Variants in B4GALT6 observed in about 807,000 individuals in gnomAD.
B4GALT6 encodes the protein beta-1,4-galactosyltransferase 6, also known as UDP-Gal:beta-GlcNAc beta-1,4-galactosyltransferase 6.
Under a neutral mutation model 46.3 loss-of-function variants are expected in B4GALT6, and 14 were observed. That is an observed-to-expected ratio of 0.30 (90% CI 0.20 to 0.47). The LOEUF is 0.47. B4GALT6 is among the 20% of genes least tolerant of loss of function. The pLI, the probability that B4GALT6 is intolerant of heterozygous loss-of-function variation, is 0.99. For synonymous variants in B4GALT6, 168 were observed against 162.0 expected (o/e 1.04, Z -0.28); for missense variants, 386 against 480.1 (o/e 0.80, Z 1.83).
chr18:31,708,072 C>G, the B4GALT6 span, among the ~76,000 whole-genome samples: 2 of 152,232 alleles, frequency 1.3e-5, no homozygotes, highest in Admixed American at 1.3e-4. Flanking sequence ...TAGCAGACTT[C>G]AGTATGCATT....
At chr18:31,657,089 A>G (rs981399871) in intron 3 of B4GALT6, among the ~76,000 whole-genome samples, 4 of 152,190 alleles carry the variant, frequency 2.6e-5, no homozygotes, top group African/African-American at 9.7e-5. Flanking sequence ...AGAGCAATTG[A>G]CAAAATCTGG....
chr18:31,700,732 A>G, the B4GALT6 span, among the ~76,000 whole-genome samples: 1 of 152,116 alleles, frequency 6.6e-6, no homozygotes, highest in Non-Finnish European at 1.5e-5. Context: ...CTGGGATTGC[A>G]GGTGTGAGCC....
At chr18:31,700,468 T>TGTGTGAGA in the B4GALT6 span, among the ~76,000 whole-genome samples, 994 of 148,364 alleles carry the variant, frequency 6.7e-3, 4 homozygotes, top group Middle Eastern at 0.01. Flanking sequence ...TGTGTGTGTG[T>TGTGTGAGA]GAGAGAGAGA....
chr18:31,632,519 C>G (rs2073804003), intron 5 of B4GALT6, among the ~76,000 whole-genome samples: 1 of 152,132 alleles, frequency 6.6e-6, no homozygotes, highest in South Asian at 2.1e-4. Context: ...CGGTATTTAT[C>G]TACATATTTT....
the B4GALT6 span, among the ~76,000 whole-genome samples, chr18:31,695,587 T>C: frequency 6.6e-6 from 1 of 152,204 alleles, no homozygotes; most frequent in East Asian, 1.9e-4. Context: ...ACAACATTTC[T>C]GTAAGAAGCA....
At chr18:31,699,713 C>T in the B4GALT6 span, among the ~76,000 whole-genome samples, 14 of 147,990 alleles carry the variant, frequency 9.5e-5, no homozygotes, top group South Asian at 2.1e-4. Context: ...ACAGTGGTGA[C>T]GAGAATAATG....
the B4GALT6 span, among the ~76,000 whole-genome samples, chr18:31,709,365 C>G: frequency 6.7e-6 from 1 of 150,190 alleles, no homozygotes; most frequent in Admixed American, 6.6e-5. Flanking sequence ...ATACCTGACA[C>G]CTGACTAAAG....
Position 31,684,373 on chromosome 18 carries a change from G to C in B4GALT6, c.54C>G (p.Phe18Leu). ...ACGAAGAGAGGGAGAAGAAGAAGAT[G>C]AAGGCGAGGAGAGAGCGATTGGAAA... is the stretch of plus-strand genomic sequence containing the variant. ...MRVSNRSLLA[F>L]IFFFSLSSSC... Residue 18 changes from phenylalanine (F) to leucine (L), a missense_variant, in exon 1 of 9, where the codon TTC becomes TTG. Coordinates refer to ENST00000306851, the MANE Select transcript of B4GALT6 (RefSeq NM_004775.5). 2 of 1,613,952 alleles carry C rather than the reference G, an allele frequency of 1.2e-6. No homozygotes were observed. The highest frequency in any genetic ancestry group is 1.3e-5 in the African/African-American group (1 of 75,012).
chr18:31,712,384 C>A, the B4GALT6 span, among the ~76,000 whole-genome samples: 1 of 141,246 alleles, frequency 7.1e-6, no homozygotes, highest in Non-Finnish European at 1.5e-5. Context: ...CTCATTGCAA[C>A]CTACACTTCC....
chr18:31,669,327 C>T (rs1468538121), intron 1 of B4GALT6, among the ~76,000 whole-genome samples: 1 of 152,092 alleles, frequency 6.6e-6, no homozygotes, highest in African/African-American at 2.4e-5. Context: ...TGTGCAGGGG[C>T]CATGTTAATC....
intron 1 of B4GALT6, among the ~76,000 whole-genome samples, chr18:31,677,133 T>TA (rs2074423404): frequency 6.6e-6 from 1 of 151,798 alleles, no homozygotes; most frequent in Admixed American, 6.6e-5. Flanking sequence ...TAATTAAACA[T>TA]AAAAACAAAG....
upstream of B4GALT6, chr18:31,684,682 G>C: frequency 7.0e-6 from 8 of 1,142,854 alleles, no homozygotes; most frequent in Non-Finnish European, 7.6e-6. Context: ...AGAGGGGACT[G>C]GGGGCTAGGG....
Position 31,626,358 on chromosome 18 carries a change from G to T in B4GALT6, c.926C>A (p.Thr309Asn). 1 of 1,603,290 alleles carries T rather than the reference G, an allele frequency of 6.2e-7. No homozygotes were observed. Among genetic ancestry groups the T allele is most frequent in the South Asian group, 1.1e-5 (1 of 90,034 alleles). The change falls in exon 8 of 9, where the codon ACC becomes AAC. Residue 309 changes from threonine (T) to asparagine (N), a missense_variant. Physicochemically the swap from Thr to Asn is moderately conservative, Grantham distance 65 (BLOSUM62 0). Coordinates refer to ENST00000306851, the MANE Select transcript of B4GALT6 (RefSeq NM_004775.5). ...NRVHYAGYNV[T>N]RPEGDLGKYK... The stretch of plus-strand genomic sequence containing the variant: ...TTTTCCTAAGTCTCCCTCTGGTCTG[G>T]TTACATTATATCCAGCATAGTGAAC...
At chr18:31,715,365 A>G in the B4GALT6 span, among the ~76,000 whole-genome samples, 2 of 151,942 alleles carry the variant, frequency 1.3e-5, no homozygotes, top group Admixed American at 1.3e-4. Flanking sequence ...AGCTGGGACT[A>G]CAGGCATGTA....
intron 5 of B4GALT6, among the ~76,000 whole-genome samples, 154 bp downstream of exon 5, chr18:31,638,487 ACTG>A (rs2073890087): frequency 6.6e-6 from 1 of 152,206 alleles, no homozygotes; most frequent in South Asian, 2.1e-4. Flanking sequence ...AGATCGCGCC[ACTG>A]CATTCCAGCC....
intron 1 of B4GALT6, among the ~76,000 whole-genome samples, chr18:31,674,437 GA>G (rs2074393248): frequency 6.6e-6 from 1 of 152,184 alleles, no homozygotes; most frequent in Non-Finnish European, 1.5e-5. Context: ...AAAGCCAGAA[GA>G]GATCCTTAAA....
At chr18:31,701,507 A>G in the B4GALT6 span, among the ~76,000 whole-genome samples, 1 of 152,134 alleles carries the variant, frequency 6.6e-6, no homozygotes, top group East Asian at 1.9e-4. Flanking sequence ...CATATATAAA[A>G]GTGGCATTTT....
At chr18:31,683,385 T>G (rs1478848231) in intron 1 of B4GALT6, among the ~76,000 whole-genome samples, 2 of 152,202 alleles carry the variant, frequency 1.3e-5, no homozygotes, top group Non-Finnish European at 2.9e-5. Flanking sequence ...TGCTCACTGT[T>G]ACTAAGTAAT....
intron 3 of B4GALT6, among the ~76,000 whole-genome samples, 164 bp downstream of exon 3, chr18:31,657,812 C>CA (rs1051390582): frequency 2.0e-5 from 3 of 152,058 alleles, no homozygotes; most frequent in Admixed American, 6.5e-5. Context: ...TGCGCTTTGC[C>CA]AAAAAATAAA....
Sources: gnomAD v4.1 joint callset for allele counts (sites outside exome capture counted in the v4.1 genomes callset) on GRCh38, gnomAD v4.1.1 for gene constraint, MANE v1.5 for transcripts, NCBI Gene and HGNC (gene_info 2026-07-23, HGNC 2026-07-21) for gene names.